VAT1L: variants seen among roughly 807,000 people sequenced by gnomAD.
The protein encoded by VAT1L is putative NADPH-dependent quinone oxidoreductase VAT1L.
Under a neutral mutation model 44.1 loss-of-function variants are expected in VAT1L, and 34 were observed. The observed-to-expected ratio is 0.77, with a 90% CI of 0.59 to 1.03. The LOEUF (loss-of-function observed/expected upper bound fraction) is 1.03. VAT1L is among the 50% of genes least tolerant of loss of function. VAT1L has a pLI of 0.00. For missense variants in VAT1L, 615 were observed against 538.8 expected (o/e 1.14, Z -1.40); for synonymous variants, 253 against 202.2 (o/e 1.25, Z -2.13).
chr16:77,822,351 C>A (rs555985029), intron 2 of VAT1L, among the ~76,000 whole-genome samples: 1 of 152,224 alleles, frequency 6.6e-6, no homozygotes, highest in South Asian at 2.1e-4. Context: ...TCAGGCTGGG[C>A]TTGAACTCCC....
intron 3 of VAT1L, among the ~76,000 whole-genome samples, chr16:77,857,381 C>T (rs2016870074): frequency 3.3e-5 from 5 of 152,090 alleles, no homozygotes; most frequent in Non-Finnish European, 7.3e-5. Flanking sequence ...AGGGAGAATA[C>T]AGATTTTCTA....
chr16:77,827,276 A>G (rs1437216726), intron 3 of VAT1L, among the ~76,000 whole-genome samples: 1 of 152,236 alleles, frequency 6.6e-6, no homozygotes, highest in Admixed American at 6.5e-5. Context: ...AGAGACTTGT[A>G]GTCATACTAT....
intron 7 of VAT1L, among the ~76,000 whole-genome samples, chr16:77,950,128 G>A (rs777907905): frequency 1.2e-4 from 19 of 152,096 alleles, no homozygotes; most frequent in Non-Finnish European, 2.1e-4. Flanking sequence ...AAAAACATTG[G>A]CCAGGTGCAG....
At chr16:77,938,643 C>G (rs2017834883) in intron 7 of VAT1L, among the ~76,000 whole-genome samples, 1 of 152,256 alleles carries the variant, frequency 6.6e-6, no homozygotes, top group South Asian at 2.1e-4. Flanking sequence ...TTACCTTCCA[C>G]CATGATGGTA....
At chr16:77,920,423 G>A (rs1029229610) in intron 7 of VAT1L, among the ~76,000 whole-genome samples, 19 of 152,230 alleles carry the variant, frequency 1.2e-4, no homozygotes, top group African/African-American at 3.6e-4. Flanking sequence ...AGGACTCAGC[G>A]ACACATAGCT....
chr16:77,881,052 T>C (rs2017148446), intron 6 of VAT1L, among the ~76,000 whole-genome samples: 1 of 152,238 alleles, frequency 6.6e-6, no homozygotes, highest in Non-Finnish European at 1.5e-5. Flanking sequence ...AGAATGGCAA[T>C]GAACATACGG....
chr16:77,853,865 G>A (rs1469121381), intron 3 of VAT1L, among the ~76,000 whole-genome samples: 1 of 152,098 alleles, frequency 6.6e-6, no homozygotes, highest in African/African-American at 2.4e-5. Context: ...ATGAGGCCGG[G>A]CGCCGTGACT....
chr16:77,826,139 A>G (rs1371291794), intron 3 of VAT1L, among the ~76,000 whole-genome samples: 4 of 149,728 alleles, frequency 2.7e-5, no homozygotes, highest in Admixed American at 6.6e-5. Context: ...CCCGGGAGGC[A>G]GAGCTTGCAG....
chr16:77,972,038 G>C lies in VAT1L; in HGVS notation c.1161+105G>C, dbSNP rs574390973. 3.5e-5 allele frequency: 36 copies of C among 1,027,110 alleles called. No homozygotes were observed. In the African/African-American group the frequency reaches 3.7e-4, roughly 11 times the overall value. The allele number at this position is 1,027,110 out of a possible 1,614,324, so 63.6% of individuals were successfully genotyped here. On this transcript the variant is annotated intron_variant, in intron 8 of 8. Transcript: ENST00000302536. ...TAGAAGGAAGTACAGGTAGCCTGTG[G>C]GCTAGTGGAGGAGACCAGGGGTAAT... is the stretch of plus-strand genomic sequence containing the variant.
intron 3 of VAT1L, among the ~76,000 whole-genome samples, chr16:77,836,215 G>T (rs2016637367): frequency 1.3e-5 from 2 of 151,966 alleles, no homozygotes; most frequent in Non-Finnish European, 2.9e-5. Context: ...GAGAGCTAGG[G>T]ACCCCCGATT....
At chr16:77,923,587 G>A (rs1468689665) in intron 7 of VAT1L, among the ~76,000 whole-genome samples, 1 of 152,128 alleles carries the variant, frequency 6.6e-6, no homozygotes, top group Non-Finnish European at 1.5e-5. Context: ...TTGGACTTCT[G>A]TAGAATTTCT....
chr16:77,868,050 A>T (rs1180719848), intron 4 of VAT1L, among the ~76,000 whole-genome samples: 1 of 152,180 alleles, frequency 6.6e-6, no homozygotes, highest in Non-Finnish European at 1.5e-5. Context: ...TCAAAAATGT[A>T]TTTAATACAC....
At chr16:77,835,361 G>A (rs967716407) in intron 3 of VAT1L, among the ~76,000 whole-genome samples, 8 of 152,122 alleles carry the variant, frequency 5.3e-5, no homozygotes, top group African/African-American at 1.9e-4. Flanking sequence ...TTTTTTGGCT[G>A]CCTCTGGTAT....
chr16:77,826,155 C>G (rs1371188693), intron 3 of VAT1L, among the ~76,000 whole-genome samples: 1 of 149,484 alleles, frequency 6.7e-6, no homozygotes, highest in African/African-American at 2.5e-5. Flanking sequence ...TGCAGTGAGC[C>G]GAGATCCCGC....
rs149758915 is a variant in VAT1L at position 77,820,267 on chromosome 16, AG to A, written c.363+3220del. ...GATGACAATAGTCATGGTGACTCCC[AG>A]GGTTTCCGTGATTCTCCCTCTACAA... On this transcript the variant is annotated intron_variant, in intron 2 of 8. Transcript: ENST00000302536. Among the ~76,000 whole-genome samples the A allele has an allele frequency of 8.7e-3, 1,319 of 152,278 alleles. 29 individuals are homozygous for A. Among genetic ancestry groups the A allele is most frequent in the East Asian group, 0.079 (408 of 5,168 alleles).
chr16:77,865,194 T>C (rs919757800), intron 4 of VAT1L, among the ~76,000 whole-genome samples: 5 of 151,936 alleles, frequency 3.3e-5, no homozygotes, highest in Non-Finnish European at 7.4e-5. Context: ...AGGATTGTCT[T>C]GATCTCCTGA....
At chr16:77,952,473 G>A (rs1243052084) in intron 7 of VAT1L, among the ~76,000 whole-genome samples, 3 of 151,740 alleles carry the variant, frequency 2.0e-5, no homozygotes, top group East Asian at 1.9e-4. Context: ...ACCACCCCTC[G>A]CCTGCATCTG....
chr16:77,907,055 C>T (rs992894207), intron 7 of VAT1L, among the ~76,000 whole-genome samples: 1 of 152,192 alleles, frequency 6.6e-6, no homozygotes, highest in Non-Finnish European at 1.5e-5. Context: ...CAGTGAAATG[C>T]TGGTAAATAT....
intron 7 of VAT1L, among the ~76,000 whole-genome samples, chr16:77,933,179 T>C (rs2017752127): frequency 6.6e-6 from 1 of 152,204 alleles, no homozygotes; most frequent in Admixed American, 6.5e-5. Context: ...TCCTTGAAGT[T>C]TCATCACTCT....
Sources: allele counts gnomAD v4.1 joint callset (sites outside exome capture counted in the v4.1 genomes callset), GRCh38; gene constraint gnomAD v4.1.1; transcripts MANE v1.5; gene names NCBI Gene and HGNC (gene_info 2026-07-23, HGNC 2026-07-21).